Variants in NEK3 observed in about 807,000 individuals in gnomAD.
The protein encoded by NEK3 is NIMA related kinase 3, also known as serine/threonine-protein kinase Nek3.
Under a neutral mutation model 66.0 loss-of-function variants are expected in NEK3, and 54 were observed. The ratio of observed to expected loss-of-function variants is 0.82; its 90% CI spans 0.66 to 1.03. The LOEUF (loss-of-function observed/expected upper bound fraction) is 1.03, where lower values mean the gene tolerates loss of function less well. Among genes scored for constraint, NEK3 ranks in the 50% least tolerant of loss-of-function variants. The pLI is 0.00. For synonymous variants in NEK3, 200 were observed against 206.2 expected (o/e 0.97, Z 0.26); for missense variants, 593 against 603.0 (o/e 0.98, Z 0.17).
At chr13:52,133,965 G>T in intron 14 of NEK3, 150 bp from the exon 15 acceptor site, 1 of 718,914 alleles carries the variant, frequency 1.4e-6, no homozygotes. Context: ...TACCCAACAT[G>T]ATTGTAGGCA....
chr13:52,143,829 A>C, intron 10 of NEK3, 86 bp downstream of exon 10: 1 of 739,806 alleles, frequency 1.4e-6, no homozygotes, highest in Non-Finnish European at 2.2e-6. Context: ...ATCATTTCTA[A>C]TAACTTAAAA....
intron 7 of NEK3, among the ~76,000 whole-genome samples, chr13:52,149,948 C>T (rs1181593241): frequency 6.6e-6 from 1 of 151,898 alleles, no homozygotes; most frequent in East Asian, 1.9e-4. Context: ...GAACGAAGAC[C>T]TACACTTTCC....
At chr13:52,149,313 C>A (rs1443724040) in intron 7 of NEK3, among the ~76,000 whole-genome samples, 1 of 152,016 alleles carries the variant, frequency 6.6e-6, no homozygotes, top group Non-Finnish European at 1.5e-5. Flanking sequence ...TGGGCTCAAG[C>A]AATCCTCCTG....
In NEK3 at chr13:52,155,681, A is replaced by C. The variant is rs528518213; in HGVS notation, c.117+394T>G. ...ATTCCATGTTAAAACTCAAAAACTT[A>C]TTATTTATTTTTTGAGACAGAGTCT... On this transcript the variant is annotated intron_variant, in intron 2 of 15. Coordinates refer to ENST00000610828, the MANE Select transcript of NEK3 (RefSeq NM_002498.3). 3.3e-3 allele frequency among the ~76,000 whole-genome samples: 454 copies of C among 137,078 alleles called. 2 individuals carry two copies. The highest frequency in any genetic ancestry group is 5.4e-3 in the Non-Finnish European group (320 of 59,790). 89.9% of individuals were successfully genotyped at this position (137,078 alleles called of 152,430 possible). A position where few individuals can be genotyped will look rare whatever the true frequency, so the allele number is the denominator to read the frequency against.
At chr13:52,159,737 G>C (rs1956428972), upstream of NEK3, 1 of 152,254 alleles carries the variant, frequency 6.6e-6, no homozygotes, top group Admixed American at 6.5e-5. Flanking sequence ...GTGGAACAGT[G>C]CTGTTAACAT....
At chr13:52,146,556 T>TA (rs2138202125) in intron 8 of NEK3, among the ~76,000 whole-genome samples, 1 of 152,360 alleles carries the variant, frequency 6.6e-6, no homozygotes, top group South Asian at 2.1e-4. Context: ...ATGAAAAAGA[T>TA]ACATCAGGAA....
chr13:52,153,177 T>C lies in NEK3; in HGVS notation c.310-485A>G, dbSNP rs373347199. On this transcript the variant is annotated intron_variant, in intron 4 of 15. Coordinates refer to ENST00000610828, the MANE Select transcript of NEK3 (RefSeq NM_002498.3). ...CAAGGTCAACAGTACCCTGAATTTC[T>C]AGGTGTCTTGGGGGCCTACAGTTAA... Among the ~76,000 whole-genome samples, 46 of 152,288 alleles carry C rather than the reference T, an allele frequency of 3.0e-4. No homozygotes were observed. The East Asian group carries it at 7.9e-3, about 26-fold the overall frequency.
In NEK3 at chr13:52,150,155, G is replaced by A. The variant is rs76778422; in HGVS notation, c.548+991C>T. Reference sequence around the variant, plus strand: ...TTGTCATACCCTTTTCAGAAAGCAAGTCAGCAAAAAGTAACAACAGCCTTT... The same window carrying A: ...TTGTCATACCCTTTTCAGAAAGCAAATCAGCAAAAAGTAACAACAGCCTTT... On this transcript the variant is annotated intron_variant, in intron 7 of 15. Transcript: ENST00000610828. 5.0e-3 allele frequency among the ~76,000 whole-genome samples: 759 copies of A among 152,200 alleles called. 2 individuals are homozygous for A. Among genetic ancestry groups the A allele is most frequent in the South Asian group, 0.019 (90 of 4,820 alleles).
chr13:52,151,465 G>T, intron 5 of NEK3, 73 bp from the exon 6 acceptor site: 2 of 1,330,214 alleles, frequency 1.5e-6, no homozygotes, highest in Non-Finnish European at 2.1e-6. Context: ...GTCTTCCAAA[G>T]CCTGCTGATG....
At chr13:52,140,622 A>ATAC (rs1315121852) in intron 11 of NEK3, among the ~76,000 whole-genome samples, 1 of 151,954 alleles carries the variant, frequency 6.6e-6, no homozygotes, top group Non-Finnish European at 1.5e-5. Flanking sequence ...AATAATAATA[A>ATAC]TAAATGGAAA....
chr13:52,153,812 A>G, intron 4 of NEK3, 83 bp downstream of exon 4: 3 of 911,868 alleles, frequency 3.3e-6, no homozygotes, highest in Non-Finnish European at 5.2e-6. Context: ...ACAGATATCA[A>G]TGCTTTTATT....
intron 5 of NEK3, among the ~76,000 whole-genome samples, 173 bp from the exon 6 acceptor site, chr13:52,151,565 T>C (rs1362862389): frequency 1.3e-5 from 2 of 152,208 alleles, no homozygotes; most frequent in Admixed American, 1.3e-4. Context: ...GACATTCCCC[T>C]GCATGGAAAC....
chr13:52,153,992 G>A lies in NEK3; in HGVS notation c.212C>T (p.Ala71Val), dbSNP rs1323011954. Residue 71 changes from alanine to valine, a missense_variant and splice_region_variant, in exon 4 of 16, where the codon GCT (alanine) becomes GTT (valine). Coordinates refer to ENST00000610828, the MANE Select transcript of NEK3 (RefSeq NM_002498.3). ...CATCACAATATACAAGTGTCCTTCA[G>A]CTAAAACAGATATAAGCTCTTTAGA... ...NIVAFKESFE[A>V]EGHLYIVMEY... 2 of 1,611,534 alleles carry A rather than the reference G, an allele frequency of 1.2e-6. No individual in the cohort carries two copies. Among genetic ancestry groups the A allele is most frequent in the Admixed American group, 3.3e-5 (2 of 59,984 alleles).
In NEK3 at chr13:52,156,238, G is replaced by T; in HGVS notation, c.-47C>A. 8.6e-7 allele frequency: 1 copy of T among 1,160,532 alleles called. No individual in the cohort carries two copies. Among genetic ancestry groups the T allele is most frequent in the Non-Finnish European group, 1.3e-6 (1 of 793,446 alleles). The allele number at this position is 1,160,532 out of a possible 1,614,324, so 71.9% of individuals were successfully genotyped here. A position where few individuals can be genotyped will look rare whatever the true frequency, so the allele number is the denominator to read the frequency against. On this transcript the variant is annotated 5_prime_UTR_variant, in exon 2 of 16. Coordinates refer to ENST00000610828, the MANE Select transcript of NEK3 (RefSeq NM_002498.3). The stretch of plus-strand genomic sequence containing the variant: ...GGCTCCACTCACGCAGTCACCATGG[G>T]CTCTCCCAAACTGCATTCAAAAGCA...
rs750126583 is a variant in NEK3, at chr13:52,151,330, G to A, written c.456C>T (p.Leu152=). 20 of 1,599,004 alleles carry A rather than the reference G, an allele frequency of 1.3e-5. No individual in the cohort carries two copies. In the South Asian group the frequency reaches 1.8e-4, roughly 15 times the overall value. The part of the protein sequence containing the change: ...KLGDFGSARL[L]SNPMAFACTY... ...CGTAGAACAGACATACATACTTGGA[G>A]AGAAGACGGGCAGATCCAAAGTCTC... The change falls in exon 6 of 16, where the codon CTC becomes CTT. Residue 152 remains leucine (L), a synonymous_variant. Coordinates refer to ENST00000610828, the MANE Select transcript of NEK3 (RefSeq NM_002498.3).
chr13:52,135,649 G>C, intron 14 of NEK3, 80 bp downstream of exon 14: 1 of 1,308,328 alleles, frequency 7.6e-7, no homozygotes, highest in Non-Finnish European at 1.0e-6. Flanking sequence ...TGGTTCAAAT[G>C]TAAATTTTAT....
chr13:52,154,421 A>T (rs1956374254), intron 2 of NEK3, among the ~76,000 whole-genome samples: 1 of 152,126 alleles, frequency 6.6e-6, no homozygotes, highest in South Asian at 2.1e-4. Context: ...CACATACAGA[A>T]TGTAAATAGT....
intron 10 of NEK3, among the ~76,000 whole-genome samples, chr13:52,143,682 A>G (rs1405680339): frequency 6.6e-6 from 1 of 152,218 alleles, no homozygotes; most frequent in African/African-American, 2.4e-5. Flanking sequence ...TAATGACAGC[A>G]TAATCTTTCC....
rs369639465 is a variant in NEK3, at chr13:52,156,098, T to C, written c.94A>G (p.Met32Val). 2.5e-6 allele frequency: 4 copies of C among 1,604,910 alleles called. No homozygotes were observed. Among genetic ancestry groups the C allele is most frequent in the African/African-American group, 2.7e-5 (2 of 74,906 alleles). Residue 32 changes from methionine to valine, a missense_variant, in exon 2 of 16, where the codon ATG (methionine) becomes GTG (valine). Coordinates refer to ENST00000610828, the MANE Select transcript of NEK3 (RefSeq NM_002498.3). ...ACCTTGGGAAGCCTTATTTCTTTCA[T>C]GGCAAACATCTGATTACTGCTTTCA... ...QHESSNQMFA[M>V]KEIRLPKSFS...
Sources: gnomAD v4.1 joint callset for allele counts (sites outside exome capture counted in the v4.1 genomes callset) on GRCh38, gnomAD v4.1.1 for gene constraint, MANE v1.5 for transcripts, NCBI Gene and HGNC (gene_info 2026-07-23, HGNC 2026-07-21) for gene names.